Variants in CPQ observed in about 807,000 individuals in gnomAD.
CPQ encodes the protein Ser-Met dipeptidase.
CPQ carries 37 observed loss-of-function variants against 45.7 expected under a neutral mutation model. The observed-to-expected ratio is 0.81, with a 90% confidence interval of 0.62 to 1.07. The LOEUF (loss-of-function observed/expected upper bound fraction) is 1.07. Ranked by LOEUF, CPQ falls within the 50% of genes least tolerant of loss-of-function variation. The probability of loss-of-function intolerance (pLI) is 0.00; values close to 1 mark genes in which losing one functional copy is unlikely to be tolerated. For missense variants in CPQ, 537 were observed against 572.9 expected (o/e 0.94, Z 0.64); for synonymous variants, 186 against 205.8 (o/e 0.90, Z 0.82).
intron 7 of CPQ, among the ~76,000 whole-genome samples, chr8:97,093,865 T>G (rs10955101): frequency 0.12 from 18,466 of 152,212 alleles, 1,929 homozygotes; most frequent in African/African-American, 0.28. Flanking sequence ...CCAATATTTA[T>G]AGTCTCTGAC....
At chr8:96,993,893 G>C (rs1024193377) in intron 5 of CPQ, among the ~76,000 whole-genome samples, 1 of 152,080 alleles carries the variant, frequency 6.6e-6, no homozygotes, top group South Asian at 2.1e-4. Flanking sequence ...AAGAATTAAT[G>C]TTTACCAAAC....
chr8:96,733,857 C>T (rs968642113), intron 1 of CPQ, among the ~76,000 whole-genome samples: 9 of 152,192 alleles, frequency 5.9e-5, no homozygotes, highest in Non-Finnish European at 8.8e-5. Context: ...ATATTCACAG[C>T]CTTAGAAAAT....
At chr8:96,690,043 A>G (rs1016151226) in intron 1 of CPQ, among the ~76,000 whole-genome samples, 18 of 152,220 alleles carry the variant, frequency 1.2e-4, no homozygotes, top group African/African-American at 4.3e-4. Context: ...CTGCCAGTCC[A>G]ATCATCATCT....
intron 5 of CPQ, among the ~76,000 whole-genome samples, chr8:97,005,143 G>A (rs1200367179): frequency 6.6e-6 from 1 of 151,628 alleles, no homozygotes; most frequent in Non-Finnish European, 1.5e-5. Context: ...GTGTGGTGGT[G>A]TGATCTCGGC....
At chr8:96,945,089 C>T (rs1004186999) in intron 4 of CPQ, among the ~76,000 whole-genome samples, 1 of 152,058 alleles carries the variant, frequency 6.6e-6, no homozygotes, top group Admixed American at 6.6e-5. Context: ...CCAGTGTCAG[C>T]CCCCTAGGAA....
intron 5 of CPQ, among the ~76,000 whole-genome samples, chr8:96,995,068 T>A: frequency 6.6e-6 from 1 of 152,020 alleles, no homozygotes; most frequent in African/African-American, 2.4e-5. Context: ...ATAACTAGCA[T>A]ACTGGTTAAG....
chr8:96,863,712 C>T lies in CPQ; in HGVS notation c.642-16086C>T, dbSNP rs140655978. On this transcript the variant is annotated intron_variant, in intron 3 of 7. Transcript: ENST00000220763. Reference sequence around the variant, plus strand: ...ATGCTTTGATTCCAGCATTGTTTTCCGCTTTTAATGCTTGGAAACAGCTTT... The same window carrying T: ...ATGCTTTGATTCCAGCATTGTTTTCTGCTTTTAATGCTTGGAAACAGCTTT... Among the ~76,000 whole-genome samples, 65 of 152,096 alleles carry T rather than the reference C, an allele frequency of 4.3e-4. No individual in the cohort carries two copies. In the East Asian group the frequency reaches 5.4e-3, roughly 13 times the overall value.
chr8:96,820,896 A>G (rs1472791781), intron 2 of CPQ, among the ~76,000 whole-genome samples: 1 of 151,968 alleles, frequency 6.6e-6, no homozygotes, highest in Non-Finnish European at 1.5e-5. Context: ...CATACTGTAC[A>G]TTAGGCTGTA....
chr8:96,691,398 C>CT (rs1809303377), intron 1 of CPQ, among the ~76,000 whole-genome samples: 1 of 152,082 alleles, frequency 6.6e-6, no homozygotes, highest in South Asian at 2.1e-4. Flanking sequence ...TGTAAAGTCC[C>CT]TTTTTTTGAA....
intron 4 of CPQ, among the ~76,000 whole-genome samples, chr8:96,894,892 A>C (rs981261286): frequency 6.6e-6 from 1 of 152,344 alleles, no homozygotes. Flanking sequence ...CAATTCTGTT[A>C]CAACAATCAG....
chr8:96,797,020 G>A (rs1390669283), intron 2 of CPQ, among the ~76,000 whole-genome samples: 1 of 152,026 alleles, frequency 6.6e-6, no homozygotes, highest in Admixed American at 6.5e-5. Context: ...GAGCTTCTCA[G>A]GAATGAATTT....
chr8:96,904,502 G>C (rs565630268), intron 4 of CPQ, among the ~76,000 whole-genome samples: 1 of 152,108 alleles, frequency 6.6e-6, no homozygotes, highest in African/African-American at 2.4e-5. Context: ...TTATCATCTG[G>C]ATGTGACTTT....
chr8:96,854,455 C>T (rs542159587), intron 3 of CPQ, among the ~76,000 whole-genome samples: 16 of 133,454 alleles, frequency 1.2e-4, no homozygotes, highest in African/African-American at 4.0e-4. Context: ...GGCGTGAACC[C>T]GGGAGGCGGA....
chr8:96,665,431 G>C (rs973486185), intron 1 of CPQ, among the ~76,000 whole-genome samples: 1 of 152,180 alleles, frequency 6.6e-6, no homozygotes, highest in Non-Finnish European at 1.5e-5. Context: ...GATTGAATAC[G>C]TGGGGAATGA....
Position 96,752,491 on chromosome 8 carries a change from T to C in CPQ, c.-34-32373T>C, listed in dbSNP as rs140714885. Among the ~76,000 whole-genome samples, 414 of 152,298 alleles carry C rather than the reference T, an allele frequency of 2.7e-3. 2 individuals carry two copies. The highest frequency in any genetic ancestry group is 9.0e-3 in the African/African-American group (375 of 41,554). On this transcript the variant is annotated intron_variant, in intron 1 of 7. Coordinates refer to ENST00000220763, the MANE Select transcript of CPQ (RefSeq NM_016134.4). The stretch of plus-strand genomic sequence containing the variant: ...CATATTGATTTTGTATCCTGAGCCT[T>C]TGCTGAAGTTTCTTATCAGCTTAAG...
At chr8:96,835,920 T>C (rs915954124) in intron 3 of CPQ, among the ~76,000 whole-genome samples, 1 of 152,150 alleles carries the variant, frequency 6.6e-6, no homozygotes, top group Middle Eastern at 3.2e-3. Context: ...GCCAAATAAC[T>C]TTATTGGCCC....
intron 7 of CPQ, among the ~76,000 whole-genome samples, chr8:97,071,400 A>G (rs1262733429): frequency 6.6e-6 from 1 of 152,140 alleles, no homozygotes; most frequent in Non-Finnish European, 1.5e-5. Flanking sequence ...ATGAGTCATT[A>G]TTTCTACCAG....
chr8:96,842,183 C>T lies in CPQ; in HGVS notation c.641+7003C>T, dbSNP rs1192154558. On this transcript the variant is annotated intron_variant, in intron 3 of 7. Transcript: ENST00000220763. Reference sequence around the variant, plus strand: ...GGAATAAAAAAGCTTGCTTTCCCCACTCCCTTTGTTTTTTAATGGGAAAAA... The same window carrying T: ...GGAATAAAAAAGCTTGCTTTCCCCATTCCCTTTGTTTTTTAATGGGAAAAA... Among the ~76,000 whole-genome samples, 3 of 152,252 alleles carry T rather than the reference C, an allele frequency of 2.0e-5. No individual in the cohort carries two copies. In the South Asian group the frequency reaches 6.2e-4, roughly 32 times the overall value.
chr8:96,792,419 C>T (rs557251441), intron 2 of CPQ, among the ~76,000 whole-genome samples: 1 of 152,306 alleles, frequency 6.6e-6, no homozygotes, highest in East Asian at 1.9e-4. Flanking sequence ...TTTATGGTCT[C>T]TGAGCCCAAC....
Sources: allele counts gnomAD v4.1 joint callset (sites outside exome capture counted in the v4.1 genomes callset), GRCh38; gene constraint gnomAD v4.1.1; transcripts MANE v1.5; gene names NCBI Gene and HGNC (gene_info 2026-07-23, HGNC 2026-07-21).